The following SHROOM2 variants were observed in gnomAD, a reference collection of about 807,000 sequenced individuals.
SHROOM2 encodes the protein shroom family member 2, also known as protein Shroom2.
SHROOM2 carries 33 observed loss-of-function variants against 75.9 expected under a neutral mutation model. The observed-to-expected ratio is 0.43, with a 90% CI of 0.33 to 0.58. SHROOM2 has a LOEUF of 0.58. Among genes scored for constraint, SHROOM2 ranks in the 20% least tolerant of loss-of-function variants. The pLI is 0.04. For synonymous variants in SHROOM2, 655 were observed against 663.6 expected, an observed-to-expected ratio of 0.99 and a Z score of 0.20; for missense variants, 1,434 against 1,461.2, an observed-to-expected ratio of 0.98 and a Z score of 0.30.
At chrX:9,930,504 C>T (rs2084637600) in intron 5 of SHROOM2, among the ~76,000 whole-genome samples, 1 of 86,460 alleles carries the variant, frequency 1.2e-5, no homozygotes. Flanking sequence ...AAGACCCTGT[C>T]TCAAAAAAAA....
At chrX:9,846,213 G>T (rs1436351961) in intron 1 of SHROOM2, among the ~76,000 whole-genome samples, 1 of 109,741 alleles carries the variant, frequency 9.1e-6, no homozygotes, top group African/African-American at 3.3e-5. Flanking sequence ...TCAAACTCCT[G>T]GGCTCAAGCC....
At chrX:9,856,865 A>G (rs147501189) in intron 1 of SHROOM2, among the ~76,000 whole-genome samples, 2 of 112,601 alleles carry the variant, frequency 1.8e-5, no homozygotes, top group South Asian at 3.7e-4. Context: ...TCAAGCCTGC[A>G]GCTGACTTCT....
intron 1 of SHROOM2, among the ~76,000 whole-genome samples, chrX:9,862,794 A>G (rs756736302): frequency 4.4e-5 from 5 of 112,684 alleles, no homozygotes; most frequent in African/African-American, 9.7e-5. Context: ...GTGAAGGTGC[A>G]TTTGGGATGC....
chrX:9,900,450 G>C (rs187022778), intron 5 of SHROOM2, among the ~76,000 whole-genome samples: 1 of 112,342 alleles, frequency 8.9e-6, no homozygotes, highest in Non-Finnish European at 1.9e-5. Flanking sequence ...TTCAAATAAC[G>C]TAAACATGTC....
intron 1 of SHROOM2, among the ~76,000 whole-genome samples, chrX:9,794,629 A>T: frequency 1.8e-5 from 2 of 111,725 alleles, no homozygotes; most frequent in East Asian, 5.7e-4. Context: ...TCAGCCTCCC[A>T]AAGTGCTGGG....
chrX:9,909,561 G>A (rs757359849), intron 5 of SHROOM2, among the ~76,000 whole-genome samples: 11 of 112,135 alleles, frequency 9.8e-5, no homozygotes, highest in Admixed American at 2.8e-4. Flanking sequence ...CAGGGCCAAC[G>A]TTGACAGGTA....
intron 2 of SHROOM2, among the ~76,000 whole-genome samples, chrX:9,889,711 T>C (rs1318813314): frequency 1.8e-5 from 2 of 112,298 alleles, no homozygotes; most frequent in African/African-American, 3.2e-5. Context: ...GAAGGGACTT[T>C]AGCCTTTTGG....
chrX:9,808,380 CAAAA>C (rs766274874), intron 1 of SHROOM2, among the ~76,000 whole-genome samples: 1 of 72,505 alleles, frequency 1.4e-5, no homozygotes, highest in East Asian at 4.3e-4. Flanking sequence ...TCTGTCTCTA[CAAAA>C]AAAAAAAAAA....
chrX:9,853,267 C>T (rs1323157244), intron 1 of SHROOM2, among the ~76,000 whole-genome samples: 9 of 111,605 alleles, frequency 8.1e-5, no homozygotes, highest in African/African-American at 2.9e-4. Context: ...ACTGAGGCTT[C>T]CTGATCTCCT....
chrX:9,794,443 C>G (rs1396050466), intron 1 of SHROOM2, among the ~76,000 whole-genome samples: 2 of 111,478 alleles, frequency 1.8e-5, no homozygotes, highest in Non-Finnish European at 3.8e-5. Flanking sequence ...GATCTCGGCT[C>G]ACTGCAACCT....
intron 6 of SHROOM2, among the ~76,000 whole-genome samples, chrX:9,935,456 A>G (rs1050566066): frequency 9.0e-6 from 1 of 111,088 alleles, no homozygotes; most frequent in Non-Finnish European, 1.9e-5. Flanking sequence ...CTGGGATTCC[A>G]GGTGTGAGCC....
intron 1 of SHROOM2, among the ~76,000 whole-genome samples, chrX:9,838,396 A>G (rs2083960756): frequency 9.0e-6 from 1 of 110,643 alleles, no homozygotes; most frequent in Non-Finnish European, 1.9e-5. Flanking sequence ...GCTGGCTGGG[A>G]TTGGGTTGTT....
chrX:9,813,378 C>T (rs1225562294), intron 1 of SHROOM2, among the ~76,000 whole-genome samples: 2 of 111,679 alleles, frequency 1.8e-5, no homozygotes, highest in South Asian at 3.8e-4. Flanking sequence ...CCTACTTCAA[C>T]TGGAGGACCA....
chrX:9,796,445 A>T (rs954045607), intron 1 of SHROOM2, among the ~76,000 whole-genome samples: 1 of 110,625 alleles, frequency 9.0e-6, no homozygotes, highest in Non-Finnish European at 1.9e-5. Context: ...ATAAATAAAA[A>T]ATAAAAATAA....
intron 1 of SHROOM2, among the ~76,000 whole-genome samples, chrX:9,853,581 G>C (rs747954770): frequency 9.0e-6 from 1 of 111,232 alleles, no homozygotes; most frequent in Admixed American, 9.5e-5. Flanking sequence ...CTCTGCTTCC[G>C]TCTCCACATA....
intron 8 of SHROOM2, among the ~76,000 whole-genome samples, chrX:9,943,873 C>G (rs1296246352): frequency 9.3e-6 from 1 of 108,051 alleles, no homozygotes; most frequent in African/African-American, 3.4e-5. Flanking sequence ...TTTTTTTTCT[C>G]TTTAGCAATT....
At chrX:9,885,051 A>G (rs1282309787) in intron 2 of SHROOM2, among the ~76,000 whole-genome samples, 1 of 111,491 alleles carries the variant, frequency 9.0e-6, no homozygotes, top group Non-Finnish European at 1.9e-5. Flanking sequence ...CTCTTTAAAA[A>G]ATTTTTGAAT....
chrX:9,857,700 A>C (rs2084079695), intron 1 of SHROOM2, among the ~76,000 whole-genome samples: 1 of 111,552 alleles, frequency 9.0e-6, no homozygotes, highest in Non-Finnish European at 1.9e-5. Flanking sequence ...GCTTTCACTT[A>C]GTTTTAAAAG....
chrX:9,896,512 G>C lies in SHROOM2; in HGVS notation c.2604G>C (p.Arg868=), dbSNP rs933084306. 5 of 1,209,730 alleles carry C rather than the reference G, an allele frequency of 4.1e-6. No individual in the cohort carries two copies. Among genetic ancestry groups the C allele is most frequent in the Non-Finnish European group, 4.5e-6 (4 of 894,777 alleles). ...AGGCAGGGACTTCAGACCTGCCGCG[G>C]AGGCTCGGCACCTTTGCAGAGTATC... is the stretch of plus-strand genomic sequence containing the variant. The part of the protein sequence containing the change: ...AEKAGTSDLP[R]RLGTFAEYQA... The change falls in exon 4 of 10, where the codon CGG becomes CGC. Residue 868 remains arginine, a synonymous_variant. Transcript: ENST00000380913.
Sources: gnomAD v4.1 joint callset for allele counts (sites outside exome capture counted in the v4.1 genomes callset) on GRCh38, gnomAD v4.1.1 for gene constraint, MANE v1.5 for transcripts, NCBI Gene and HGNC (gene_info 2026-07-23, HGNC 2026-07-21) for gene names.